APOLD1: variants seen among roughly 807,000 people sequenced by gnomAD.
APOLD1 encodes apolipoprotein L domain-containing protein 1.
In APOLD1, 22 loss-of-function variants were observed where a neutral mutation model predicts 15.3. The ratio of observed to expected loss-of-function variants is 1.44; its 90% CI spans 1.03 to 2.05. The LOEUF is 2.05. Ranked by LOEUF, APOLD1 falls within the 30% of genes most tolerant of loss-of-function variation. The pLI is 0.00. For missense variants in APOLD1, 394 were observed against 353.5 expected, an observed-to-expected ratio of 1.11 and a Z score of -0.92; for synonymous variants, 190 against 167.4, an observed-to-expected ratio of 1.13 and a Z score of -1.04.
intron 1 of APOLD1, among the ~76,000 whole-genome samples, chr12:12,736,696 A>G (rs1946689489): frequency 2.0e-5 from 3 of 152,342 alleles, no homozygotes; most frequent in Admixed American, 1.3e-4. Flanking sequence ...ATAGTTCTCC[A>G]TGATGCTGCT....
chr12:12,773,977 A>G (rs1231520752), intron 1 of APOLD1, among the ~76,000 whole-genome samples: 1 of 152,160 alleles, frequency 6.6e-6, no homozygotes, highest in South Asian at 2.1e-4. Flanking sequence ...AAAACATAAA[A>G]CTATAAAATT....
At chr12:12,778,252 C>G (rs183387886) in intron 1 of APOLD1, among the ~76,000 whole-genome samples, 2 of 151,166 alleles carry the variant, frequency 1.3e-5, no homozygotes, top group African/African-American at 4.9e-5. Context: ...TGACAATGAT[C>G]TGATGGTTTA....
Position 12,787,938 on chromosome 12 carries a change from A to G in APOLD1, c.*286A>G. ...ACTTTCTGTCTAAACACAGCTGGGCAGGCACTCCTGTTTTAAAGTTATTTC... is the reference window on the plus strand; with the variant it reads ...ACTTTCTGTCTAAACACAGCTGGGCGGGCACTCCTGTTTTAAAGTTATTTC... On this transcript the variant is annotated 3_prime_UTR_variant, in exon 2 of 2. Coordinates refer to ENST00000356591, the MANE Select transcript of APOLD1 (RefSeq NM_030817.3). This position sits in a 1 kb window ranked among gnomAD's most constrained non-coding sequence, Gnocchi z 4.9. The G allele has an allele frequency of 2.7e-6, 1 of 366,820 alleles. No individual in the cohort carries two copies. Among genetic ancestry groups the G allele is most frequent in the Non-Finnish European group, 4.9e-6 (1 of 203,488 alleles). The allele number at this position is 366,820 out of a possible 1,614,324, so 22.7% of individuals were successfully genotyped here.
chr12:12,771,279 G>T, intron 1 of APOLD1: 3 of 176,324 alleles, frequency 1.7e-5, no homozygotes, highest in Non-Finnish European at 3.6e-5. Context: ...AGCAGATTTT[G>T]TGTATGAAAA....
intron 1 of APOLD1, among the ~76,000 whole-genome samples, chr12:12,745,452 T>C (rs888872063): frequency 6.6e-6 from 1 of 151,932 alleles, no homozygotes; most frequent in African/African-American, 2.4e-5. Context: ...ATCGGTTGAA[T>C]CAGGGAGGTG....
At chr12:12,755,086 G>T (rs1401737585) in intron 1 of APOLD1, among the ~76,000 whole-genome samples, 1 of 151,990 alleles carries the variant, frequency 6.6e-6, no homozygotes, top group Non-Finnish European at 1.5e-5. Context: ...AAAACAGTGT[G>T]ATATAAGTGC....
chr12:12,762,605 A>C (rs1183449490), intron 1 of APOLD1, among the ~76,000 whole-genome samples: 1 of 151,772 alleles, frequency 6.6e-6, no homozygotes, highest in Non-Finnish European at 1.5e-5. Flanking sequence ...CATCCACCTC[A>C]GCCTCCCAAA....
intron 1 of APOLD1, among the ~76,000 whole-genome samples, chr12:12,774,081 A>G (rs1041424796): frequency 6.6e-6 from 1 of 152,234 alleles, no homozygotes; most frequent in African/African-American, 2.4e-5. Flanking sequence ...GAAAGAAAGA[A>G]TTGGTAAACT....
chr12:12,774,093 G>T (rs545051701), intron 1 of APOLD1, among the ~76,000 whole-genome samples: 2 of 152,032 alleles, frequency 1.3e-5, no homozygotes, highest in Non-Finnish European at 2.9e-5. Flanking sequence ...TGGTAAACTG[G>T]ACTTTATTAA....
chr12:12,760,802 G>A (rs1203298075), intron 1 of APOLD1, among the ~76,000 whole-genome samples: 1 of 152,090 alleles, frequency 6.6e-6, no homozygotes, highest in African/African-American at 2.4e-5. Flanking sequence ...ATCTGAAAGG[G>A]CAACCCCCTT....
chr12:12,771,506 G>A, intron 1 of APOLD1: 1 of 504,332 alleles, frequency 2.0e-6, no homozygotes, highest in East Asian at 5.6e-5. Flanking sequence ...AATTGGCAGA[G>A]ATGTTAATTA....
chr12:12,787,629 C>A lies in APOLD1; in HGVS notation c.724C>A (p.Gln242Lys), dbSNP rs1372727977. 2 of 1,603,856 alleles carry A rather than the reference C, an allele frequency of 1.2e-6. No individual in the cohort carries two copies. The highest frequency in any genetic ancestry group is 2.7e-5 in the African/African-American group (2 of 74,874). The change falls in exon 2 of 2, where the codon CAG becomes AAG. Residue 242 changes from glutamine to lysine, a missense_variant. Transcript: ENST00000356591. This position sits in a 1 kb window ranked among gnomAD's most constrained non-coding sequence, Gnocchi z 4.9. Reference protein sequence around the residue: ...RGHDLKISADQRAGLFF With the variant: ...RGHDLKISADKRAGLFF ...CCACGACCTCAAGATCTCTGCTGAC[C>A]AGCGTGCAGGGCTGTTTTTCTGAGA...
chr12:12,749,774 G>C (rs1256314751), intron 1 of APOLD1, among the ~76,000 whole-genome samples: 1 of 152,148 alleles, frequency 6.6e-6, no homozygotes, highest in Non-Finnish European at 1.5e-5. Context: ...TGCTCAGGCC[G>C]CTCCCACACT....
At chr12:12,763,293 CTT>C (rs1435953147) in intron 1 of APOLD1, among the ~76,000 whole-genome samples, 1 of 152,080 alleles carries the variant, frequency 6.6e-6, no homozygotes, top group Admixed American at 6.6e-5. Flanking sequence ...AAACTACCCT[CTT>C]AACAATTCCT....
chr12:12,755,705 G>A (rs1357397252), intron 1 of APOLD1, among the ~76,000 whole-genome samples: 1 of 152,180 alleles, frequency 6.6e-6, no homozygotes, highest in African/African-American at 2.4e-5. Context: ...AGCTGGACGT[G>A]GTGGCACATG....
intron 1 of APOLD1, among the ~76,000 whole-genome samples, chr12:12,752,180 G>C (rs373213894): frequency 1.3e-5 from 2 of 152,196 alleles, no homozygotes; most frequent in Non-Finnish European, 1.5e-5. Context: ...TTTATCTCCT[G>C]TGTTTTTGGA....
intron 1 of APOLD1, among the ~76,000 whole-genome samples, chr12:12,728,725 G>T (rs1946614585): frequency 6.8e-6 from 1 of 147,934 alleles, no homozygotes; most frequent in African/African-American, 2.5e-5. Context: ...GAGAAAGATT[G>T]GAAACTCCAA....
chr12:12,783,475 T>G (rs1024676532), upstream of APOLD1, among the ~76,000 whole-genome samples: 4 of 150,630 alleles, frequency 2.7e-5, no homozygotes, highest in Non-Finnish European at 5.9e-5. Flanking sequence ...CACACACAGC[T>G]GTTTTTTTTG....
At chr12:12,743,539 C>G (rs373768164) in intron 1 of APOLD1, among the ~76,000 whole-genome samples, 16 of 152,252 alleles carry the variant, frequency 1.1e-4, no homozygotes, top group East Asian at 5.8e-4. Flanking sequence ...GCTCCCTTTC[C>G]CTTGTCCCTG....
Sources: gnomAD v4.1 joint callset for allele counts (sites outside exome capture counted in the v4.1 genomes callset) on GRCh38, gnomAD v4.1.1 for gene constraint, Gnocchi (gnomAD v3.1) non-coding constraint, MANE v1.5 for transcripts, NCBI Gene and HGNC (gene_info 2026-07-23, HGNC 2026-07-21) for gene names.